GPR34: variants seen among roughly 807,000 people sequenced by gnomAD.
The protein encoded by GPR34 is G protein-coupled receptor 34, also known as probable G protein-coupled receptor 34.
GPR34 carries 3 observed loss-of-function variants against 14.1 expected under a neutral mutation model. The observed-to-expected ratio is 0.21, with a 90% CI of 0.10 to 0.55. The LOEUF is 0.55. GPR34 is among the 20% of genes least tolerant of loss of function. The probability of loss-of-function intolerance (pLI) is 0.94; values close to 1 mark genes in which losing one functional copy is unlikely to be tolerated. For synonymous variants in GPR34, 99 were observed against 99.9 expected (o/e 0.99, Z 0.05); for missense variants, 213 against 292.8 (o/e 0.73, Z 1.99).
At chrX:41,693,066 T>C (rs1471350752) in intron 2 of GPR34, among the ~76,000 whole-genome samples, 1 of 111,443 alleles carries the variant, frequency 9.0e-6, no homozygotes, top group Non-Finnish European at 1.9e-5. Context: ...AATTCTAACA[T>C]GAGAGAAGAA....
chrX:41,695,336 G>A (rs2067663281), intron 2 of GPR34, among the ~76,000 whole-genome samples: 2 of 95,277 alleles, frequency 2.1e-5, no homozygotes, highest in Non-Finnish European at 4.1e-5. Flanking sequence ...TTTTTAAAGA[G>A]ATGGGGTCTT....
Position 41,695,919 on chromosome X carries a change from G to A in GPR34, c.286G>A (p.Val96Ile), listed in dbSNP as rs1187853238. The A allele has an allele frequency of 1.4e-5, 17 of 1,206,122 alleles. No individual in the cohort carries two copies. The highest frequency in any genetic ancestry group is 5.3e-5 in the South Asian group (3 of 56,540). Residue 96 changes from valine to isoleucine, a missense_variant, in exon 3 of 3, where the codon GTA becomes ATA. Val to Ile is a conservative substitution (Grantham distance 29). Transcript: ENST00000378142. ...TTCCATTCAAATTTATCTACTTAAC[G>A]TAGCCATTGCAGACCTCCTACTCAT... is the stretch of plus-strand genomic sequence containing the variant. ...RNSIQIYLLN[V>I]AIADLLLIFC...
At chrX:41,691,685 C>T (rs2067564459) in intron 2 of GPR34, among the ~76,000 whole-genome samples, 1 of 107,987 alleles carries the variant, frequency 9.3e-6, no homozygotes, top group Non-Finnish European at 1.9e-5. Context: ...AGTGAAACTC[C>T]GTCTCTACTA....
chrX:41,695,776 T>G lies in GPR34; in HGVS notation c.143T>G (p.Met48Arg). Reference sequence around the variant, plus strand: ...ACACCAAATGTTACTACCTGTCCCATGGATGAAAAATTGCTATCTACTGTG... The same window carrying G: ...ACACCAAATGTTACTACCTGTCCCAGGGATGAAAAATTGCTATCTACTGTG... ...SATPNVTTCP[M>R]DEKLLSTVLT... Residue 48 changes from methionine to arginine, a missense_variant, in exon 3 of 3, where the codon ATG becomes AGG. Met to Arg is a moderately conservative substitution (Grantham distance 91). Coordinates refer to ENST00000378142, the MANE Select transcript of GPR34 (RefSeq NM_001097579.2). 3 of 1,210,545 alleles carry G rather than the reference T, an allele frequency of 2.5e-6. No homozygotes were observed. The highest frequency in any genetic ancestry group is 3.4e-6 in the Non-Finnish European group (3 of 894,294).
At position 41,695,798 on chromosome X, in the gene GPR34, T is replaced by C. The variant is rs749439326; in HGVS notation, c.165T>C (p.Thr55=). Residue 55 remains threonine (T), a synonymous_variant, in exon 3 of 3, where the codon ACT becomes ACC. Transcript: ENST00000378142. ...TCPMDEKLLS[T]VLTTSYSVIF... ...CCATGGATGAAAAATTGCTATCTAC[T>C]GTGTTAACCACATCCTACTCTGTTA... 2 of 1,207,965 alleles carry C rather than the reference T, an allele frequency of 1.7e-6. No individual in the cohort carries two copies.
Position 41,696,286 on chromosome X carries a change from T to C in GPR34, c.653T>C (p.Ile218Thr). The stretch of plus-strand genomic sequence containing the variant: ...AAGCATAACGCAAAAGGAGAAGCCA[T>C]TTTTAACTTCATTCTTGTGGTAATG... ...RDKHNAKGEAIFNFILVVMFW... is the reference protein window; with the variant it reads ...RDKHNAKGEATFNFILVVMFW... The change falls in exon 3 of 3, where the codon ATT becomes ACT. Residue 218 changes from isoleucine (I) to threonine (T), a missense_variant. Coordinates refer to ENST00000378142, the MANE Select transcript of GPR34 (RefSeq NM_001097579.2). 1 of 1,191,486 alleles carries C rather than the reference T, an allele frequency of 8.4e-7. No homozygotes were observed. Among genetic ancestry groups the C allele is most frequent in the Non-Finnish European group, 1.1e-6 (1 of 885,529 alleles).
chrX:41,689,146 C>G (rs2067496083), intron 1 of GPR34, 62 bp downstream of exon 1: 1 of 111,970 alleles, frequency 8.9e-6, no homozygotes, highest in Admixed American at 9.5e-5. Context: ...ATTTGATTAT[C>G]TGAACATTCA....
chrX:41,695,695 A>G lies in GPR34; in HGVS notation c.62A>G (p.His21Arg). 8.3e-7 allele frequency: 1 copy of G among 1,205,772 alleles called. No individual in the cohort carries two copies. Among genetic ancestry groups the G allele is most frequent in the Non-Finnish European group, 1.1e-6 (1 of 890,545 alleles). The stretch of plus-strand genomic sequence containing the variant: ...GTCAGCAGCTGGCCTTACTCCTCCC[A>G]CAGAATGCGCTTTATAACCAATCAT... ...TSVSSWPYSS[H>R]RMRFITNHSD... The change falls in exon 3 of 3, where the codon CAC becomes CGC. Residue 21 changes from histidine to arginine, a missense_variant. By Grantham distance (29) the His-to-Arg change is conservative (BLOSUM62 0). Coordinates refer to ENST00000378142, the MANE Select transcript of GPR34 (RefSeq NM_001097579.2).
chrX:41,695,669 A>G lies in GPR34; in HGVS notation c.36A>G (p.Ser12=), dbSNP rs1378244607. 7 of 1,204,259 alleles carry G rather than the reference A, an allele frequency of 5.8e-6. No individual in the cohort carries two copies. The highest frequency in any genetic ancestry group is 7.9e-6 in the Non-Finnish European group (7 of 889,717). The part of the protein sequence containing the change: ...RSHTITMTTT[S]VSSWPYSSHR... ...ATACCATAACAATGACGACAACTTC[A>G]GTCAGCAGCTGGCCTTACTCCTCCC... Residue 12 remains serine, a synonymous_variant, in exon 3 of 3, where the codon TCA becomes TCG. Coordinates refer to ENST00000378142, the MANE Select transcript of GPR34 (RefSeq NM_001097579.2).
chrX:41,696,369 T>C lies in GPR34; in HGVS notation c.736T>C (p.Leu246=), dbSNP rs1217850496. ...LSYIKIGKNL[L]RISKRRSKFP... is the part of the protein sequence containing the mutation. ...ATATATTAAGATTGGGAAGAATCTA[T>C]TGAGGATTTCTAAAAGGAGGTCAAA... Residue 246 remains leucine (L), a synonymous_variant, in exon 3 of 3, where the codon TTG becomes CTG. Coordinates refer to ENST00000378142, the MANE Select transcript of GPR34 (RefSeq NM_001097579.2). 3 of 1,176,115 alleles carry C rather than the reference T, an allele frequency of 2.6e-6. No homozygotes were observed. Among genetic ancestry groups the C allele is most frequent in the Non-Finnish European group, 2.3e-6 (2 of 877,471 alleles).
Position 41,695,825 on chromosome X carries a change from T to C in GPR34, c.192T>C (p.Ile64=). 9 of 1,205,944 alleles carry C rather than the reference T, an allele frequency of 7.5e-6. No individual in the cohort carries two copies. The highest frequency in any genetic ancestry group is 1.0e-5 in the Non-Finnish European group (9 of 889,999). Residue 64 remains isoleucine (I), a synonymous_variant, in exon 3 of 3, where the codon ATT becomes ATC. Transcript: ENST00000378142. Reference sequence around the variant, plus strand: ...TGTTAACCACATCCTACTCTGTTATTTTCATCGTGGGACTGGTTGGGAACA... The same window carrying C: ...TGTTAACCACATCCTACTCTGTTATCTTCATCGTGGGACTGGTTGGGAACA... ...STVLTTSYSV[I]FIVGLVGNII... is the part of the protein sequence containing the mutation.
intron 2 of GPR34, among the ~76,000 whole-genome samples, chrX:41,692,202 C>A (rs1202975593): frequency 8.9e-6 from 1 of 112,273 alleles, no homozygotes; most frequent in East Asian, 2.8e-4. Flanking sequence ...AATGGTTTGG[C>A]CATCTAGCTT....
intron 2 of GPR34, among the ~76,000 whole-genome samples, chrX:41,695,251 A>T (rs901923692): frequency 9.0e-6 from 1 of 110,992 alleles, no homozygotes; most frequent in Non-Finnish European, 1.9e-5. Context: ...TACATACAGT[A>T]GGATAAAAGT....
intron 2 of GPR34, among the ~76,000 whole-genome samples, chrX:41,693,528 C>T (rs1342016416): frequency 9.0e-5 from 10 of 110,950 alleles, no homozygotes; most frequent in Non-Finnish European, 1.5e-4. Context: ...GCAGGAGAAT[C>T]GCTTGAAGCC....
In GPR34 at chrX:41,697,080, T is replaced by C. The variant is rs1014049307; in HGVS notation, c.*301T>C. On this transcript the variant is annotated 3_prime_UTR_variant, in exon 3 of 3. Transcript: ENST00000378142. ...GCCATAGTTTCTCAAGTGACTAAAG[T>C]AGTTATTAAAATCAAGCACTTGATA... 1.0e-5 allele frequency: 2 copies of C among 194,808 alleles called. No individual in the cohort carries two copies. Among genetic ancestry groups the C allele is most frequent in the South Asian group, 2.9e-4 (1 of 3,487 alleles). 16.1% of individuals were successfully genotyped at this position (194,808 alleles called of 1,213,427 possible). A position where few individuals can be genotyped will look rare whatever the true frequency, so the allele number is the denominator to read the frequency against.
chrX:41,693,200 AC>A (rs1393004746), intron 2 of GPR34, among the ~76,000 whole-genome samples: 1 of 111,210 alleles, frequency 9.0e-6, no homozygotes, highest in African/African-American at 3.3e-5. Context: ...CTACATAACC[AC>A]ACAATATAGG....
In GPR34 at chrX:41,695,683, C is replaced by T; in HGVS notation, c.50C>T (p.Pro17Leu). ...TMTTTSVSSW[P>L]YSSHRMRFIT... The stretch of plus-strand genomic sequence containing the variant: ...ACGACAACTTCAGTCAGCAGCTGGC[C>T]TTACTCCTCCCACAGAATGCGCTTT... The change falls in exon 3 of 3, where the codon CCT becomes CTT. Residue 17 changes from proline to leucine, a missense_variant. Pro to Leu is a moderately conservative substitution (Grantham distance 98). Coordinates refer to ENST00000378142, the MANE Select transcript of GPR34 (RefSeq NM_001097579.2). 1 of 1,204,892 alleles carries T rather than the reference C, an allele frequency of 8.3e-7. No homozygotes were observed. The highest frequency in any genetic ancestry group is 1.1e-6 in the Non-Finnish European group (1 of 889,726).
In GPR34 at chrX:41,689,325, T is replaced by C. The variant is rs1054612255; in HGVS notation, c.-173+241T>C. 2.7e-5 allele frequency among the ~76,000 whole-genome samples: 3 copies of C among 112,158 alleles called. No homozygotes were observed. In the Admixed American group the frequency reaches 2.9e-4, roughly 11 times the overall value. On this transcript the variant is annotated intron_variant, in intron 1 of 2. Coordinates refer to ENST00000378142, the MANE Select transcript of GPR34 (RefSeq NM_001097579.2). Reference sequence around the variant, plus strand: ...ACATTCAAGGTATTTAAGCTCCTACTGTCAATATAGTCACATTGTTGATAC... The same window carrying C: ...ACATTCAAGGTATTTAAGCTCCTACCGTCAATATAGTCACATTGTTGATAC...
chrX:41,695,904 A>C lies in GPR34; in HGVS notation c.271A>C (p.Ile91Leu). The C allele has an allele frequency of 8.3e-7, 1 of 1,209,553 alleles. No individual in the cohort carries two copies. The highest frequency in any genetic ancestry group is 1.1e-6 in the Non-Finnish European group (1 of 893,662). ...TCACCGTAAAAGAAATTCCATTCAA[A>C]TTTATCTACTTAACGTAGCCATTGC... ...GIHRKRNSIQ[I>L]YLLNVAIADL... The change falls in exon 3 of 3, where the codon ATT (isoleucine) becomes CTT (leucine). Residue 91 changes from isoleucine to leucine, a missense_variant. Ile to Leu is a conservative substitution (Grantham distance 5). Transcript: ENST00000378142.
Sources: allele counts gnomAD v4.1 joint callset (sites outside exome capture counted in the v4.1 genomes callset), GRCh38; gene constraint gnomAD v4.1.1; transcripts MANE v1.5; gene names NCBI Gene and HGNC (gene_info 2026-07-23, HGNC 2026-07-21).